Variants in MSH5 observed in about 807,000 individuals in gnomAD.
MSH5 encodes the protein mutS homolog 5.
A neutral mutation model predicts 107.7 loss-of-function variants in MSH5; 78 were observed. The observed-to-expected ratio is 0.72, with a 90% CI of 0.60 to 0.87. The LOEUF is 0.87. MSH5 is among the 40% of genes least tolerant of loss of function. The pLI is 0.00. For missense variants in MSH5, 889 were observed against 1,046.6 expected, an observed-to-expected ratio of 0.85 and a Z score of 2.08; for synonymous variants, 326 against 399.5, an observed-to-expected ratio of 0.82 and a Z score of 2.19.
chr6:31,758,261 C>G lies in MSH5; in HGVS notation c.1111C>G (p.Leu371Val). 6.2e-7 allele frequency: 1 copy of G among 1,613,042 alleles called. No homozygotes were observed. Among genetic ancestry groups the G allele is most frequent in the East Asian group, 2.2e-5 (1 of 44,874 alleles). Reference protein sequence around the residue: ...RDIAQEFSDDLHHIASLIGKV... With the variant: ...RDIAQEFSDDVHHIASLIGKV... ...CATTGCCCAAGAGTTCTCTGATGAC[C>G]TGCACCATATCGCCAGCCTCATTGG... is the stretch of plus-strand genomic sequence containing the variant. Residue 371 changes from leucine (L) to valine (V), a missense_variant, in exon 13 of 25, where the codon CTG (leucine) becomes GTG (valine). Coordinates refer to ENST00000375750, the MANE Select transcript of MSH5 (RefSeq NM_172166.4). This position sits in a 1 kb window ranked among gnomAD's most constrained non-coding sequence, Gnocchi z 5.1.
intron 10 of MSH5, among the ~76,000 whole-genome samples, chr6:31,748,697 G>A (rs536050382): frequency 4.6e-5 from 7 of 152,020 alleles, no homozygotes; most frequent in Middle Eastern, 3.4e-3. Context: ...AACCTTAGGA[G>A]GTTTTCCCAT....
Position 31,758,871 on chromosome 6 carries a change from C to T in MSH5, c.1322C>T (p.Pro441Leu). Residue 441 changes from proline (P) to leucine (L), a missense_variant, in exon 15 of 25, where the codon CCT (proline) becomes CTT (leucine). Pro to Leu is a moderately conservative substitution (Grantham distance 98, BLOSUM62 -3). This residue lies in a region of MSH5 where 518 missense variants were observed against 565.0 expected (regional missense o/e 0.92). Coordinates refer to ENST00000375750, the MANE Select transcript of MSH5 (RefSeq NM_172166.4). The surrounding 1 kb of genome is among the most constrained non-coding windows in gnomAD (Gnocchi z 5.1). ...CCTTCATGCAGTGTCATCTACATCC[C>T]TCTGGTGAGGGCAGGAGAGTGGGTG... The part of the protein sequence containing the change: ...RIPSCSVIYI[P>L]LIGFLLSIPR... 6.2e-7 allele frequency: 1 copy of T among 1,613,178 alleles called. No individual in the cohort carries two copies. Among genetic ancestry groups the T allele is most frequent in the Non-Finnish European group, 8.5e-7 (1 of 1,179,152 alleles).
Position 31,744,261 on chromosome 6 carries a change from T to A in MSH5, c.609T>A (p.Asn203Lys). The A allele has an allele frequency of 6.2e-7, 1 of 1,614,158 alleles. No individual in the cohort carries two copies. The highest frequency in any genetic ancestry group is 8.5e-7 in the Non-Finnish European group (1 of 1,180,018). ...TCGGGGTTGAACTGGAAGACTATAA[T>A]GTCAGCGTCCCCATCCTGGGCTTTA... ...RRIGVELEDY[N>K]VSVPILGFKK... is the part of the protein sequence containing the mutation. Residue 203 changes from asparagine (N) to lysine (K), a missense_variant, in exon 7 of 25, where the codon AAT becomes AAA. Physicochemically the swap from Asn to Lys is moderately conservative, Grantham distance 94 (BLOSUM62 0). Transcript: ENST00000375750.
At position 31,760,867 on chromosome 6, in the gene MSH5, T is replaced by G; in HGVS notation, c.1962+28T>G. 6.2e-7 allele frequency: 1 copy of G among 1,604,876 alleles called. No homozygotes were observed. The highest frequency in any genetic ancestry group is 8.5e-7 in the Non-Finnish European group (1 of 1,174,674). On this transcript the variant is annotated intron_variant, in intron 20 of 24. Transcript: ENST00000375750. This position sits in a 1 kb window ranked among gnomAD's most constrained non-coding sequence, Gnocchi z 5.6. ...CAAAGGGAACAAAGGGAGGTGGGAT[T>G]GAGGAAGGGGATAATGGGAAAGGAA...
intron 10 of MSH5, among the ~76,000 whole-genome samples, chr6:31,752,403 A>G (rs1462818371): frequency 6.6e-6 from 1 of 150,418 alleles, no homozygotes; most frequent in Non-Finnish European, 1.5e-5. Flanking sequence ...AAGACTCTAT[A>G]TAAAAAATAA....
rs1676485842 is a variant in MSH5 at position 31,761,427 on chromosome 6, T to C, written c.2038-45T>C. Reference sequence around the variant, plus strand: ...GGCAGTGCAAGTGCAGAGGGGCATATGGGGTCCCCATGGCTCCGAATGCTA... The same window carrying C: ...GGCAGTGCAAGTGCAGAGGGGCATACGGGGTCCCCATGGCTCCGAATGCTA... On this transcript the variant is annotated intron_variant, in intron 21 of 24. Transcript: ENST00000375750. This position sits in a 1 kb window ranked among gnomAD's most constrained non-coding sequence, Gnocchi z 5.3. 1 of 1,610,544 alleles carries C rather than the reference T, an allele frequency of 6.2e-7. No individual in the cohort carries two copies. The highest frequency in any genetic ancestry group is 8.5e-7 in the Non-Finnish European group (1 of 1,178,936).
At position 31,762,128 on chromosome 6, in the gene MSH5, G is replaced by A. The variant is rs148601889; in HGVS notation, c.2336G>A (p.Arg779His). The stretch of plus-strand genomic sequence containing the variant: ...TGTTCCTAGGTCTCAGACTTGATCC[G>A]CAGTGGAAAACCCATCAAGCCTGTC... ...ARGKEVSDLI[R>H]SGKPIKPVKD... The change falls in exon 24 of 25, where the codon CGC (arginine) becomes CAC (histidine). Residue 779 changes from arginine to histidine, a missense_variant. This residue lies in a region of MSH5 where 362 missense variants were observed against 456.2 expected (regional missense o/e 0.79). Transcript: ENST00000375750. 210 of 1,614,092 alleles carry A rather than the reference G, an allele frequency of 1.3e-4. No homozygotes were observed. Among genetic ancestry groups the A allele is most frequent in the Non-Finnish European group, 1.6e-4 (188 of 1,180,042 alleles).
Position 31,761,133 on chromosome 6 carries a change from A to G in MSH5, c.1963-55A>G. ...CTTTATTCACAGGCCAACTGTGGTC[A>G]GTGCGTTACGGGCTTCCAATACTAA... On this transcript the variant is annotated intron_variant, in intron 20 of 24. Coordinates refer to ENST00000375750, the MANE Select transcript of MSH5 (RefSeq NM_172166.4). The surrounding 1 kb of genome is among the most constrained non-coding windows in gnomAD (Gnocchi z 5.3). 25 of 1,543,354 alleles carry G rather than the reference A, an allele frequency of 1.6e-5. No homozygotes were observed. Among genetic ancestry groups the G allele is most frequent in the Non-Finnish European group, 2.2e-5 (25 of 1,125,092 alleles).
chr6:31,760,930 G>C lies in MSH5; in HGVS notation c.1962+91G>C. On this transcript the variant is annotated intron_variant, in intron 20 of 24. Transcript: ENST00000375750. This position sits in a 1 kb window ranked among gnomAD's most constrained non-coding sequence, Gnocchi z 5.6. ...CTCATAACAGGAAAGCATGCCCTCTGCTGCATGCCCTTTATACTAAAAGTG... is the reference window on the plus strand; with the variant it reads ...CTCATAACAGGAAAGCATGCCCTCTCCTGCATGCCCTTTATACTAAAAGTG... 1 of 1,396,574 alleles carries C rather than the reference G, an allele frequency of 7.2e-7. No homozygotes were observed. Among genetic ancestry groups the C allele is most frequent in the Non-Finnish European group, 9.8e-7 (1 of 1,022,548 alleles). 86.5% of individuals were successfully genotyped at this position (1,396,574 alleles called of 1,614,324 possible).
chr6:31,744,147 A>C, intron 6 of MSH5, 43 bp from the exon 7 acceptor site: 2 of 1,595,450 alleles, frequency 1.3e-6, no homozygotes, highest in Non-Finnish European at 1.7e-6. Context: ...AGCCCCCAGG[A>C]GATTTAAGAT....
At chr6:31,757,792 C>T (rs375078107) in intron 12 of MSH5, 41 of 287,904 alleles carry the variant, frequency 1.4e-4, no homozygotes, top group Middle Eastern at 2.1e-3. Flanking sequence ...GCCTCAGCCT[C>T]CCAAGTAGCT....
In MSH5 at chr6:31,744,536, C is replaced by G; in HGVS notation, c.648-10C>G. 6.2e-7 allele frequency: 1 copy of G among 1,613,198 alleles called. No homozygotes were observed. Among genetic ancestry groups the G allele is most frequent in the Non-Finnish European group, 8.5e-7 (1 of 1,179,924 alleles). On this transcript the variant is annotated splice_polypyrimidine_tract_variant and intron_variant, in intron 7 of 24. Transcript: ENST00000375750. ...AGACTGCTTCCTGCTTTTTTGTTTT[C>G]TGTCCTCAGGACTCATCTGGTGAAC...
Position 31,761,774 on chromosome 6 carries a change from GA to G in MSH5, c.2182-42del. 1 of 1,613,086 alleles carries G rather than the reference GA, an allele frequency of 6.2e-7. No individual in the cohort carries two copies. The highest frequency in any genetic ancestry group is 1.3e-5 in the African/African-American group (1 of 75,044). ...GGATTGGCCAAGGGTTTCAGGACAG[GA>G]AGGAGGTGATTGATGATACACTGTC... On this transcript the variant is annotated intron_variant, in intron 22 of 24. Transcript: ENST00000375750. The surrounding 1 kb of genome is among the most constrained non-coding windows in gnomAD (Gnocchi z 5.3).
intron 12 of MSH5, among the ~76,000 whole-genome samples, chr6:31,755,921 T>C (rs1486367437): frequency 1.3e-5 from 2 of 152,162 alleles, no homozygotes; most frequent in Non-Finnish European, 2.9e-5. Context: ...ATTATTTGTC[T>C]TATAGTGTTT....
chr6:31,753,698 T>G, intron 12 of MSH5, 69 bp downstream of exon 12: 5 of 1,389,092 alleles, frequency 3.6e-6, no homozygotes, highest in African/African-American at 1.4e-5. Context: ...AGACTGTCTG[T>G]ACCCTAGACA....
chr6:31,746,113 T>TGTGTGTGA (rs769490049), intron 9 of MSH5: 27 of 150,554 alleles, frequency 1.8e-4, no homozygotes, highest in African/African-American at 4.5e-4. Flanking sequence ...TGTGTGTGTG[T>TGTGTGTGA]GAGACGAAGT....
intron 9 of MSH5, 87 bp from the exon 10 acceptor site, chr6:31,747,300 C>G: frequency 6.9e-7 from 1 of 1,440,194 alleles, no homozygotes; most frequent in Non-Finnish European, 9.7e-7. Flanking sequence ...CACCTCTGAC[C>G]TGGATGCCTC....
At position 31,758,979 on chromosome 6, in the gene MSH5, AGAACAT is replaced by A; in HGVS notation, c.1326+110_1327-107del. On this transcript the variant is annotated intron_variant, in intron 15 of 24. Coordinates refer to ENST00000375750, the MANE Select transcript of MSH5 (RefSeq NM_172166.4). This position sits in a 1 kb window ranked among gnomAD's most constrained non-coding sequence, Gnocchi z 5.1. ...TAAGAAAACTTGTGGGGCAGCCTGA[AGAACAT>A]GAACACTTTTTTGTGGGGATACAGG... 2 of 1,411,188 alleles carry A rather than the reference AGAACAT, an allele frequency of 1.4e-6. No individual in the cohort carries two copies. The highest frequency in any genetic ancestry group is 2.0e-6 in the Non-Finnish European group (2 of 997,678). 87.4% of individuals were successfully genotyped at this position (1,411,188 alleles called of 1,614,324 possible). A position where few individuals can be genotyped will look rare whatever the true frequency, so the allele number is the denominator to read the frequency against.
rs982649663 is a variant in MSH5, at chr6:31,758,599, A to G, written c.1195A>G (p.Ile399Val). ...AAATCGCTTCACAGTCCTCCCCAAC[A>G]TAGATCCTGAAATTGATGAGAGTGA... ...AENRFTVLPN[I>V]DPEIDEKKRR... The change falls in exon 14 of 25, where the codon ATA becomes GTA. Residue 399 changes from isoleucine to valine, a missense_variant. By Grantham distance (29) the Ile-to-Val change is conservative (BLOSUM62 3). Coordinates refer to ENST00000375750, the MANE Select transcript of MSH5 (RefSeq NM_172166.4). This position sits in a 1 kb window ranked among gnomAD's most constrained non-coding sequence, Gnocchi z 5.1. The G allele has an allele frequency of 1.9e-6, 3 of 1,613,906 alleles. No homozygotes were observed. The highest frequency in any genetic ancestry group is 1.7e-6 in the Non-Finnish European group (2 of 1,180,042).
Sources: gnomAD v4.1 joint callset for allele counts (sites outside exome capture counted in the v4.1 genomes callset) on GRCh38, gnomAD v4.1.1 for gene constraint, gnomAD v4.1.1 regional missense constraint, Gnocchi (gnomAD v3.1) non-coding constraint, MANE v1.5 for transcripts, NCBI Gene and HGNC (gene_info 2026-07-23, HGNC 2026-07-21) for gene names.